Variants in DMD observed in about 807,000 individuals in gnomAD.
DMD encodes the protein mutant dystrophin.
A neutral mutation model predicts 330.1 loss-of-function variants in DMD; 63 were observed. The ratio of observed to expected loss-of-function variants is 0.19; its 90% CI spans 0.16 to 0.24. The LOEUF is 0.24. Among genes scored for constraint, DMD ranks in the 10% least tolerant of loss-of-function variants. DMD has a pLI of 1.00. For missense variants in DMD, 3,344 were observed against 2,684.1 expected (o/e 1.25, Z -5.43); for synonymous variants, 1,223 against 959.8 (o/e 1.27, Z -5.07).
intron 34 of DMD, among the ~76,000 whole-genome samples, chrX:32,367,343 G>A (rs1333687248): frequency 2.7e-5 from 3 of 111,629 alleles, no homozygotes; most frequent in East Asian, 2.8e-4. Flanking sequence ...GGACATATAC[G>A]CAAATGAGAA....
chrX:33,288,899 A>G (rs2053473189), intron 1 of DMD, among the ~76,000 whole-genome samples: 1 of 111,157 alleles, frequency 9.0e-6, no homozygotes, highest in African/African-American at 3.3e-5. Context: ...CACAGTGCCT[A>G]AAGTCGAAAA....
intron 2 of DMD, among the ~76,000 whole-genome samples, chrX:32,852,520 G>C (rs1332292346): frequency 9.0e-6 from 1 of 111,093 alleles, no homozygotes; most frequent in Non-Finnish European, 1.9e-5. Flanking sequence ...AGAGGCAATA[G>C]AGTGGACTTT....
rs1208785035 is a variant in DMD at position 31,177,979 on chromosome X, C to T, written c.10224-9G>A. 1 of 1,201,783 alleles carries T rather than the reference C, an allele frequency of 8.3e-7. No homozygotes were observed. Among genetic ancestry groups the T allele is most frequent in the Non-Finnish European group, 1.1e-6 (1 of 889,643 alleles). On this transcript the variant is annotated splice_polypyrimidine_tract_variant and intron_variant, in intron 70 of 78. Transcript: ENST00000357033. ...TGATCAGAGTAACGGGACTGCAAAACAAAAAATGAGGTGGTGAAGGAGACA... is the reference window on the plus strand; with the variant it reads ...TGATCAGAGTAACGGGACTGCAAAATAAAAAATGAGGTGGTGAAGGAGACA...
Position 32,412,135 on chromosome X carries a change from A to G in DMD, c.4072-222T>C, listed in dbSNP as rs1173170907. Reference sequence around the variant, plus strand: ...AAACTATAGGATCAGGGATCTCTGCATGAAAATCAATCACAATATCACGTA... The same window carrying G: ...AAACTATAGGATCAGGGATCTCTGCGTGAAAATCAATCACAATATCACGTA... On this transcript the variant is annotated intron_variant, in intron 29 of 78. Transcript: ENST00000357033. 4 of 1,147,494 alleles carry G rather than the reference A, an allele frequency of 3.5e-6. No individual in the cohort carries two copies. In the African/African-American group the frequency reaches 7.1e-5, roughly 20 times the overall value. 94.6% of individuals were successfully genotyped at this position (1,147,494 alleles called of 1,213,427 possible).
At chrX:32,206,097 C>T in intron 44 of DMD, 1 of 518,377 alleles carries the variant, frequency 1.9e-6, no homozygotes, top group South Asian at 2.3e-5. Flanking sequence ...CAAAGGCAGT[C>T]CAATTAAAGT....
At position 33,132,265 on chromosome X, in the gene DMD, T is replaced by C. The variant is rs146346478; in HGVS notation, c.31+79017A>G. On this transcript the variant is annotated intron_variant, in intron 1 of 78. Transcript: ENST00000357033. ...TACAGCTCTTAAGAGCACATACTTA[T>C]AGGAAACTCTTTTGGATATCTCCCT... Among the ~76,000 whole-genome samples the C allele has an allele frequency of 4.1e-3, 459 of 112,263 alleles. 2 individuals are homozygous for C. Among genetic ancestry groups the C allele is most frequent in the African/African-American group, 0.014 (439 of 30,902 alleles).
intron 17 of DMD, among the ~76,000 whole-genome samples, chrX:32,530,039 G>A (rs1481318893): frequency 8.9e-6 from 1 of 111,847 alleles, no homozygotes; most frequent in Non-Finnish European, 1.9e-5. Context: ...ATCTTTAAAA[G>A]ATACTAAAAA....
At chrX:31,683,283 C>T (rs760819732) in intron 52 of DMD, among the ~76,000 whole-genome samples, 2 of 112,273 alleles carry the variant, frequency 1.8e-5, no homozygotes, top group East Asian at 5.6e-4. Flanking sequence ...AGACACCAGC[C>T]ATTATGATAA....
At chrX:32,918,997 T>C (rs893816077) in intron 2 of DMD, among the ~76,000 whole-genome samples, 1 of 111,874 alleles carries the variant, frequency 8.9e-6, no homozygotes, top group South Asian at 3.7e-4. Flanking sequence ...GCTTGGTAGG[T>C]TGAGAAAGTG....
chrX:31,569,480 C>T (rs764745658), intron 55 of DMD, among the ~76,000 whole-genome samples: 11 of 106,664 alleles, frequency 1.0e-4, no homozygotes, highest in South Asian at 4.0e-4. Context: ...TCTCATGGAA[C>T]GCAATAGATT....
At chrX:32,796,941 T>G (rs1265745916) in intron 7 of DMD, among the ~76,000 whole-genome samples, 2 of 112,229 alleles carry the variant, frequency 1.8e-5, no homozygotes, top group East Asian at 5.6e-4. Context: ...CCAAATATTG[T>G]TGTAAAATAG....
At chrX:31,984,901 A>T (rs1013887313) in intron 44 of DMD, among the ~76,000 whole-genome samples, 2 of 112,031 alleles carry the variant, frequency 1.8e-5, no homozygotes, top group Admixed American at 9.5e-5. Flanking sequence ...GGCCGAGAGT[A>T]TGTGGGATGA....
chrX:31,197,278 A>G (rs1297182526), intron 67 of DMD, among the ~76,000 whole-genome samples: 1 of 111,888 alleles, frequency 8.9e-6, no homozygotes, highest in Non-Finnish European at 1.9e-5. Context: ...TCTGCCAGTC[A>G]CTTCTCCAGA....
At chrX:32,647,798 G>GT (rs2059879009) in intron 9 of DMD, among the ~76,000 whole-genome samples, 1 of 112,119 alleles carries the variant, frequency 8.9e-6, no homozygotes, top group Non-Finnish European at 1.9e-5. Flanking sequence ...TATAAGAAGT[G>GT]TTTTGAAGCA....
chrX:33,008,778 AAAC>A lies in DMD; in HGVS notation c.93+11358_93+11360del, dbSNP rs1245340127. ...AAGTATTTTTAAGTCTTATAACCTA[AAAC>A]AACTATATATACGTATATATACGTA... On this transcript the variant is annotated intron_variant, in intron 2 of 78. Coordinates refer to ENST00000357033, the MANE Select transcript of DMD (RefSeq NM_004006.3). Among the ~76,000 whole-genome samples, 4 of 96,697 alleles carry A rather than the reference AAAC, an allele frequency of 4.1e-5. No homozygotes were observed. The Admixed American group carries it at 4.7e-4, about 11-fold the overall frequency. The allele number at this position is 96,697 out of a possible 115,157, so 84.0% of individuals were successfully genotyped here.
intron 44 of DMD, among the ~76,000 whole-genome samples, chrX:31,975,647 C>T (rs1024199252): frequency 2.7e-5 from 3 of 111,750 alleles, no homozygotes; most frequent in South Asian, 3.7e-4. Flanking sequence ...AATGTTTCAT[C>T]GTGGAACATA....
At chrX:33,307,705 TATAGAA>T (rs1308639283) in intron 1 of DMD, among the ~76,000 whole-genome samples, 1 of 110,619 alleles carries the variant, frequency 9.0e-6, no homozygotes, top group African/African-American at 3.3e-5. Context: ...AATATAAATA[TATAGAA>T]ATAAAGATCA....
chrX:32,988,593 G>A (rs902103393), intron 2 of DMD, among the ~76,000 whole-genome samples: 3 of 111,860 alleles, frequency 2.7e-5, no homozygotes, highest in Non-Finnish European at 5.6e-5. Context: ...TTTATAGTTT[G>A]GATAGTTTCA....
intron 51 of DMD, among the ~76,000 whole-genome samples, chrX:31,757,086 C>A (rs2089173096): frequency 9.1e-6 from 1 of 110,470 alleles, no homozygotes; most frequent in Non-Finnish European, 1.9e-5. Context: ...CATCAACAAT[C>A]CTTCCCTATG....
Sources: gnomAD v4.1 joint callset for allele counts (sites outside exome capture counted in the v4.1 genomes callset) on GRCh38, gnomAD v4.1.1 for gene constraint, MANE v1.5 for transcripts, NCBI Gene and HGNC (gene_info 2026-07-23, HGNC 2026-07-21) for gene names.